AGPAT5: variants seen among roughly 807,000 people sequenced by gnomAD.
AGPAT5 encodes 1-acyl-sn-glycerol-3-phosphate acyltransferase epsilon.
A neutral mutation model predicts 45.6 loss-of-function variants in AGPAT5; 46 were observed. That is an observed-to-expected ratio of 1.01 (90% CI 0.80 to 1.29). AGPAT5 has a LOEUF of 1.29. Among genes scored for constraint, AGPAT5 ranks in the 50% most tolerant of loss-of-function variants. The pLI is 0.00. For missense variants in AGPAT5, 673 were observed against 450.7 expected (o/e 1.49, Z -4.47); for synonymous variants, 272 against 167.0 (o/e 1.63, Z -4.85).
rs566060424 is a variant in AGPAT5 at position 6,759,779 on chromosome 8, G to A, written c.*2391G>A. 30 of 152,070 alleles carry A rather than the reference G, an allele frequency of 2.0e-4. No individual in the cohort carries two copies. The highest frequency in any genetic ancestry group is 7.0e-4 in the African/African-American group (29 of 41,484). 9.4% of individuals were successfully genotyped at this position (152,070 alleles called of 1,614,324 possible). A position where few individuals can be genotyped will look rare whatever the true frequency, so the allele number is the denominator to read the frequency against. On this transcript the variant is annotated 3_prime_UTR_variant, in exon 8 of 8. Coordinates refer to ENST00000285518, the MANE Select transcript of AGPAT5 (RefSeq NM_018361.5). ...TTCACAATATTTTTCCCTAAGCTTT[G>A]AGCAAAGTTTTAAAAAAATACACTA...
chr8:6,727,971 T>G (rs1483410453), intron 2 of AGPAT5, among the ~76,000 whole-genome samples: 1 of 152,210 alleles, frequency 6.6e-6, no homozygotes, highest in Non-Finnish European at 1.5e-5. Context: ...ACCTGGCTCA[T>G]AGATGGCATT....
intron 1 of AGPAT5, among the ~76,000 whole-genome samples, chr8:6,711,480 T>C (rs1322237424): frequency 2.6e-5 from 4 of 152,240 alleles, no homozygotes; most frequent in Admixed American, 2.6e-4. Context: ...TTTATTTCTT[T>C]AGAATAAGTA....
intron 4 of AGPAT5, among the ~76,000 whole-genome samples, chr8:6,739,134 T>G (rs1349032052): frequency 6.6e-6 from 1 of 151,936 alleles, no homozygotes; most frequent in East Asian, 1.9e-4. Flanking sequence ...GCATTTGTTC[T>G]GTTATATTGA....
chr8:6,748,959 T>G (rs1801566209), intron 6 of AGPAT5, among the ~76,000 whole-genome samples: 1 of 152,188 alleles, frequency 6.6e-6, no homozygotes, highest in Non-Finnish European at 1.5e-5. Context: ...AGTAATATTT[T>G]TAACTACAAC....
intron 4 of AGPAT5, among the ~76,000 whole-genome samples, chr8:6,739,952 A>G (rs951082184): frequency 1.3e-5 from 2 of 152,032 alleles, no homozygotes; most frequent in African/African-American, 4.8e-5. Context: ...TTGCAATCAT[A>G]TCATGATATG....
rs943015989 is a variant in AGPAT5, at chr8:6,716,465, G to A, written c.219+7578G>A. Among the ~76,000 whole-genome samples, 5 of 152,216 alleles carry A rather than the reference G, an allele frequency of 3.3e-5. No homozygotes were observed. The South Asian group carries it at 6.2e-4, about 19-fold the overall frequency. Reference sequence around the variant, plus strand: ...AGTCCTAGCTACTCAGGAGGCTGAGGTGGGAGAATCACTTGAACATGGGAG... The same window carrying A: ...AGTCCTAGCTACTCAGGAGGCTGAGATGGGAGAATCACTTGAACATGGGAG... On this transcript the variant is annotated intron_variant, in intron 1 of 7. Coordinates refer to ENST00000285518, the MANE Select transcript of AGPAT5 (RefSeq NM_018361.5).
At chr8:6,718,801 A>T (rs1800411159) in intron 1 of AGPAT5, among the ~76,000 whole-genome samples, 1 of 152,206 alleles carries the variant, frequency 6.6e-6, no homozygotes, top group Admixed American at 6.5e-5. Flanking sequence ...TTATTCTTTC[A>T]TTCCTGATCA....
intron 1 of AGPAT5, among the ~76,000 whole-genome samples, chr8:6,717,994 G>T (rs1309267070): frequency 6.6e-6 from 1 of 152,212 alleles, no homozygotes; most frequent in Non-Finnish European, 1.5e-5. Context: ...TATGTCATCT[G>T]GATTAAGTGT....
chr8:6,741,714 A>T lies in AGPAT5; in HGVS notation c.549A>T (p.Lys183Asn), dbSNP rs1401564064. ...CAAGGTATAATCCAGAGCAAACAAA[A>T]GTCCTTTCAGCTAGTCAGGCATTTG... ...EGTRYNPEQT[K>N]VLSASQAFAA... The change falls in exon 5 of 8, where the codon AAA (lysine) becomes AAT (asparagine). Residue 183 changes from lysine (K) to asparagine (N), a missense_variant. Lys to Asn is a moderately conservative substitution (Grantham distance 94). Transcript: ENST00000285518. 1.2e-5 allele frequency: 20 copies of T among 1,612,878 alleles called. No homozygotes were observed. Among genetic ancestry groups the T allele is most frequent in the Non-Finnish European group, 1.7e-5 (20 of 1,179,398 alleles).
chr8:6,721,802 T>A (rs2980689), intron 1 of AGPAT5, among the ~76,000 whole-genome samples: 111,816 of 152,122 alleles, frequency 0.74, 42,498 homozygotes, highest in African/African-American at 0.93. Context: ...TACACATTTT[T>A]TTGACGTTAG....
Position 6,714,970 on chromosome 8 carries a change from C to T in AGPAT5, c.219+6083C>T, listed in dbSNP as rs183933942. ...TTCTCATTTTATTATGGTTTCTTAA[C>T]TAGAGGTTGATGTTAGTGGTTGGAC... On this transcript the variant is annotated intron_variant, in intron 1 of 7. Coordinates refer to ENST00000285518, the MANE Select transcript of AGPAT5 (RefSeq NM_018361.5). 4.6e-5 allele frequency among the ~76,000 whole-genome samples: 7 copies of T among 152,198 alleles called. No individual in the cohort carries two copies. The East Asian group carries it at 1.4e-3, about 29-fold the overall frequency.
intron 4 of AGPAT5, among the ~76,000 whole-genome samples, chr8:6,735,458 G>A (rs760463581): frequency 3.0e-4 from 46 of 152,316 alleles, no homozygotes; most frequent in Non-Finnish European, 4.7e-4. Flanking sequence ...CCAGGGGTTC[G>A]TCTGTTCCAC....
At chr8:6,745,932 A>G (rs568744528) in intron 5 of AGPAT5, 31 of 151,802 alleles carry the variant, frequency 2.0e-4, no homozygotes, top group African/African-American at 7.5e-4. Flanking sequence ...ATTTGAACTC[A>G]TGTTCTCTCT....
chr8:6,741,071 CTTTATA>C (rs1463078101), intron 4 of AGPAT5, among the ~76,000 whole-genome samples: 1 of 151,996 alleles, frequency 6.6e-6, no homozygotes, highest in African/African-American at 2.4e-5. Context: ...TGATATTCTT[CTTTATA>C]TTATTTTAGT....
intron 6 of AGPAT5, among the ~76,000 whole-genome samples, chr8:6,748,312 A>T (rs1301925116): frequency 1.3e-5 from 2 of 152,202 alleles, no homozygotes; most frequent in Non-Finnish European, 2.9e-5. Flanking sequence ...TGTCAGATAT[A>T]ACCAGAAAAA....
chr8:6,746,068 C>T (rs1035356784), intron 5 of AGPAT5: 1 of 112,604 alleles, frequency 8.9e-6, no homozygotes, highest in Non-Finnish European at 1.8e-5. Flanking sequence ...TCTCTCTTTT[C>T]TTTCTGCATT....
intron 5 of AGPAT5, among the ~76,000 whole-genome samples, chr8:6,746,692 A>C (rs1007329484): frequency 6.6e-6 from 1 of 152,162 alleles, no homozygotes; most frequent in Non-Finnish European, 1.5e-5. Flanking sequence ...ACCACCCTGC[A>C]TTTTAAAACC....
At chr8:6,730,096 T>G (rs1027378020) in intron 2 of AGPAT5, among the ~76,000 whole-genome samples, 2 of 151,976 alleles carry the variant, frequency 1.3e-5, no homozygotes, top group African/African-American at 4.8e-5. Context: ...CCTTTCTCAT[T>G]AAAAAAACTT....
At chr8:6,719,194 C>T (rs973526093) in intron 1 of AGPAT5, among the ~76,000 whole-genome samples, 1 of 152,172 alleles carries the variant, frequency 6.6e-6, no homozygotes, top group South Asian at 2.1e-4. Flanking sequence ...ACATATTCTT[C>T]TGTTTGGACA....
Sources: gnomAD v4.1 joint callset for allele counts (sites outside exome capture counted in the v4.1 genomes callset) on GRCh38, gnomAD v4.1.1 for gene constraint, MANE v1.5 for transcripts, NCBI Gene and HGNC (gene_info 2026-07-23, HGNC 2026-07-21) for gene names.